LINGO2: variants seen among roughly 807,000 people sequenced by gnomAD.
LINGO2 encodes leucine rich repeat and Ig domain containing 2.
A neutral mutation model predicts 30.6 loss-of-function variants in LINGO2; 14 were observed. The ratio of observed to expected loss-of-function variants is 0.46; its 90% confidence interval spans 0.30 to 0.72. LINGO2 has a LOEUF of 0.72. Among genes scored for constraint, LINGO2 ranks in the 30% least tolerant of loss-of-function variants. The pLI is 0.07. For synonymous variants in LINGO2, 317 were observed against 288.5 expected, an observed-to-expected ratio of 1.10 and a Z score of -1.00; for missense variants, 729 against 751.7, an observed-to-expected ratio of 0.97 and a Z score of 0.35.
intron 4 of LINGO2, among the ~76,000 whole-genome samples, chr9:28,166,765 C>T (rs1828438791): frequency 6.6e-6 from 1 of 150,756 alleles, no homozygotes; most frequent in African/African-American, 2.4e-5. Context: ...AAAGTTGGGT[C>T]TTTATTTCTC....
At chr9:29,188,841 G>T in the LINGO2 span, among the ~76,000 whole-genome samples, 327 of 125,424 alleles carry the variant, frequency 2.6e-3, 5 homozygotes, top group African/African-American at 9.8e-3. Flanking sequence ...TGACCCCCCC[G>T]CCACCTTCCT....
chr9:28,405,124 T>A (rs981776776), intron 2 of LINGO2, among the ~76,000 whole-genome samples: 5 of 152,208 alleles, frequency 3.3e-5, no homozygotes, highest in Non-Finnish European at 5.9e-5. Context: ...AGGGATCTTA[T>A]TGTAGAAGTC....
At chr9:28,497,298 A>T (rs1819672932) in intron 1 of LINGO2, among the ~76,000 whole-genome samples, 1 of 152,180 alleles carries the variant, frequency 6.6e-6, no homozygotes, top group South Asian at 2.1e-4. Context: ...AGGTACACCA[A>T]TCAGACACAG....
At chr9:27,982,223 C>A (rs547710787) in intron 5 of LINGO2, among the ~76,000 whole-genome samples, 1 of 151,950 alleles carries the variant, frequency 6.6e-6, no homozygotes, top group African/African-American at 2.4e-5. Flanking sequence ...CATTGGGACC[C>A]TTTCCCCAAA....
chr9:28,232,074 AT>A (rs1404003812), intron 4 of LINGO2, among the ~76,000 whole-genome samples: 1 of 151,972 alleles, frequency 6.6e-6, no homozygotes, highest in Non-Finnish European at 1.5e-5. Flanking sequence ...TATATTGGTA[AT>A]TTTTACCCAT....
At chr9:28,371,347 T>G (rs10968537) in intron 3 of LINGO2, among the ~76,000 whole-genome samples, 32,153 of 152,082 alleles carry the variant, frequency 0.21, 3,577 homozygotes, top group Middle Eastern at 0.38. Flanking sequence ...CAGAAATGTA[T>G]GTCTCATTGT....
At chr9:29,064,845 G>T in the LINGO2 span, among the ~76,000 whole-genome samples, 4 of 151,728 alleles carry the variant, frequency 2.6e-5, no homozygotes, top group African/African-American at 9.7e-5. Flanking sequence ...TTTTTTCACT[G>T]TTTTAATTTA....
the LINGO2 span, among the ~76,000 whole-genome samples, chr9:29,065,138 A>G: frequency 6.6e-6 from 1 of 152,114 alleles, no homozygotes; most frequent in Admixed American, 6.6e-5. Context: ...TCAACAGCAC[A>G]TACAGCAATA....
intron 2 of LINGO2, among the ~76,000 whole-genome samples, chr9:28,455,862 A>G (rs1304104532): frequency 6.6e-6 from 1 of 151,988 alleles, no homozygotes; most frequent in Non-Finnish European, 1.5e-5. Context: ...CACCTACACC[A>G]TGGCATTTTT....
At chr9:28,487,246 T>G (rs527870220) in intron 1 of LINGO2, among the ~76,000 whole-genome samples, 1 of 152,272 alleles carries the variant, frequency 6.6e-6, no homozygotes, top group East Asian at 1.9e-4. Flanking sequence ...CACTGAAATC[T>G]TTTGATAAAT....
the LINGO2 span, among the ~76,000 whole-genome samples, chr9:28,935,715 A>G: frequency 6.6e-6 from 1 of 152,166 alleles, no homozygotes; most frequent in East Asian, 1.9e-4. Context: ...AAAAAAACAA[A>G]TCTGCAATAT....
intron 4 of LINGO2, among the ~76,000 whole-genome samples, chr9:28,145,668 C>T (rs1587077952): frequency 6.6e-6 from 1 of 151,988 alleles, no homozygotes; most frequent in Non-Finnish European, 1.5e-5. Flanking sequence ...TTCTCTTCCT[C>T]CCTCCTTCTC....
the LINGO2 span, among the ~76,000 whole-genome samples, chr9:28,744,111 T>A: frequency 2.1e-4 from 31 of 151,102 alleles, no homozygotes; most frequent in East Asian, 4.8e-3. Flanking sequence ...TATATATATT[T>A]TTTTTCTTTT....
intron 3 of LINGO2, among the ~76,000 whole-genome samples, chr9:28,364,458 A>G (rs1820581194): frequency 6.6e-6 from 1 of 152,166 alleles, no homozygotes; most frequent in African/African-American, 2.4e-5. Context: ...CGGTCTTCAG[A>G]AAACAGCTTC....
intron 1 of LINGO2, among the ~76,000 whole-genome samples, chr9:28,496,201 T>A (rs1322958062): frequency 6.6e-6 from 1 of 152,136 alleles, no homozygotes; most frequent in Non-Finnish European, 1.5e-5. Context: ...CTGAGTTCAA[T>A]TCCTGGATAT....
chr9:28,719,902 C>A, the LINGO2 span, among the ~76,000 whole-genome samples: 1 of 151,934 alleles, frequency 6.6e-6, no homozygotes, highest in Non-Finnish European at 1.5e-5. Context: ...TGCATGAACT[C>A]AAATTAATTT....
At chr9:28,935,203 T>C in the LINGO2 span, among the ~76,000 whole-genome samples, 1 of 152,164 alleles carries the variant, frequency 6.6e-6, no homozygotes, top group African/African-American at 2.4e-5. Context: ...GTATATATCA[T>C]GAAGTGTCTT....
the LINGO2 span, among the ~76,000 whole-genome samples, chr9:28,784,851 G>A: frequency 6.6e-6 from 1 of 151,950 alleles, no homozygotes; most frequent in Non-Finnish European, 1.5e-5. Flanking sequence ...GGGAGGCTGA[G>A]GCAGGAGAAT....
At chr9:29,210,517 C>T in the LINGO2 span, among the ~76,000 whole-genome samples, 1 of 152,046 alleles carries the variant, frequency 6.6e-6, no homozygotes, top group African/African-American at 2.4e-5. Flanking sequence ...ATTTTAAGAA[C>T]ACAAACGATC....
Sources: gnomAD v4.1 joint callset for allele counts (sites outside exome capture counted in the v4.1 genomes callset) on GRCh38, gnomAD v4.1.1 for gene constraint, MANE v1.5 for transcripts, NCBI Gene and HGNC (gene_info 2026-07-23, HGNC 2026-07-21) for gene names.